Variants in SLC8A3 observed in about 807,000 individuals in gnomAD.
The protein encoded by SLC8A3 is solute carrier family 8 member A3, also known as sodium/calcium exchanger 3.
Under a neutral mutation model 65.4 loss-of-function variants are expected in SLC8A3, and 37 were observed. The observed-to-expected ratio is 0.57, with a 90% CI of 0.44 to 0.74. SLC8A3 has a LOEUF of 0.74. Among genes scored for constraint, SLC8A3 ranks in the 30% least tolerant of loss-of-function variants. SLC8A3 has a pLI of 0.00. For synonymous variants in SLC8A3, 461 were observed against 444.5 expected, an observed-to-expected ratio of 1.04 and a Z score of -0.47; for missense variants, 1,112 against 1,172.1, an observed-to-expected ratio of 0.95 and a Z score of 0.75.
intron 2 of SLC8A3, among the ~76,000 whole-genome samples, chr14:70,096,547 A>G (rs895731280): frequency 3.9e-5 from 6 of 152,222 alleles, no homozygotes; most frequent in African/African-American, 1.4e-4. Context: ...TCCCAGAATC[A>G]GACTGCCCAG....
chr14:70,086,994 T>G (rs568173444), intron 2 of SLC8A3, among the ~76,000 whole-genome samples: 1 of 152,296 alleles, frequency 6.6e-6, no homozygotes, highest in South Asian at 2.1e-4. Flanking sequence ...CCCGTGAAGT[T>G]CCAAAGGCCC....
At chr14:70,161,462 T>C (rs1028378147) in intron 2 of SLC8A3, among the ~76,000 whole-genome samples, 6 of 152,216 alleles carry the variant, frequency 3.9e-5, no homozygotes, top group Non-Finnish European at 7.4e-5. Flanking sequence ...TCAAGACAAA[T>C]CTGTGCCAAG....
At chr14:70,099,172 A>G (rs548665634) in intron 2 of SLC8A3, among the ~76,000 whole-genome samples, 1 of 152,302 alleles carries the variant, frequency 6.6e-6, no homozygotes, top group South Asian at 2.1e-4. Flanking sequence ...GAAGGAGGGT[A>G]CATACTGGTT....
At chr14:70,105,917 A>G (rs1892839762) in intron 2 of SLC8A3, among the ~76,000 whole-genome samples, 1 of 151,478 alleles carries the variant, frequency 6.6e-6, no homozygotes. Flanking sequence ...TATGCCATGA[A>G]TTTAAATTTG....
intron 2 of SLC8A3, among the ~76,000 whole-genome samples, chr14:70,077,243 C>G (rs1285665844): frequency 6.6e-6 from 1 of 152,098 alleles, no homozygotes; most frequent in Non-Finnish European, 1.5e-5. Flanking sequence ...ATTCCGTGGT[C>G]TGGTCTGCGG....
chr14:70,120,429 A>G (rs1342604209), intron 2 of SLC8A3, among the ~76,000 whole-genome samples: 1 of 152,188 alleles, frequency 6.6e-6, no homozygotes, highest in Non-Finnish European at 1.5e-5. Flanking sequence ...ATACACAACC[A>G]CTTACATTCT....
chr14:70,158,037 G>A (rs770592769), intron 2 of SLC8A3, among the ~76,000 whole-genome samples: 23 of 152,196 alleles, frequency 1.5e-4, no homozygotes, highest in Admixed American at 5.2e-4. Flanking sequence ...AAGATTTAAA[G>A]TGGAGACATG....
chr14:70,167,262 G>A lies in SLC8A3; in HGVS notation c.1161C>T (p.His387=). The A allele has an allele frequency of 6.2e-7, 1 of 1,614,190 alleles. No homozygotes were observed. The highest frequency in any genetic ancestry group is 8.5e-7 in the Non-Finnish European group (1 of 1,180,030). ...AAATAAAGTCCTCAGGCTCATCGGT[G>A]TGCACCTCGCTCATGCTGGAGGCCT... is the stretch of plus-strand genomic sequence containing the variant. ...AKKASSMSEV[H]TDEPEDFISK... is the part of the protein sequence containing the mutation. The change falls in exon 2 of 7, where the codon CAC becomes CAT. Residue 387 remains histidine (H), a synonymous_variant. Coordinates refer to ENST00000356921, the MANE Select transcript of SLC8A3 (RefSeq NM_182932.3).
chr14:70,053,540 A>G (rs947648407), intron 3 of SLC8A3, among the ~76,000 whole-genome samples: 4 of 152,186 alleles, frequency 2.6e-5, no homozygotes, highest in African/African-American at 9.7e-5. Context: ...CTTCCTCCCC[A>G]ATTCCCCCAT....
chr14:70,097,204 G>C (rs1892237404), intron 2 of SLC8A3, among the ~76,000 whole-genome samples: 1 of 151,252 alleles, frequency 6.6e-6, no homozygotes, highest in Non-Finnish European at 1.5e-5. Context: ...CAATGCAACA[G>C]AGTCAGAATG....
chr14:70,139,909 C>G (rs1240054269), intron 2 of SLC8A3, among the ~76,000 whole-genome samples: 2 of 152,260 alleles, frequency 1.3e-5, no homozygotes, highest in Admixed American at 6.5e-5. Context: ...GGCATCTCCC[C>G]CTTTCCCTTG....
upstream of SLC8A3, among the ~76,000 whole-genome samples, chr14:70,189,225 C>A (rs1449690911): frequency 2.0e-5 from 3 of 152,102 alleles, no homozygotes; most frequent in Non-Finnish European, 2.9e-5. Context: ...CAACCCCTGC[C>A]CCGCGGCCAC....
rs546547722 is a variant in SLC8A3, at chr14:70,150,314, TTCAGG to T, written c.1784+16320_1784+16324del. Among the ~76,000 whole-genome samples the T allele has an allele frequency of 5.3e-5, 8 of 152,312 alleles. 1 individual carries two copies. The South Asian group carries it at 1.7e-3, about 32-fold the overall frequency. On this transcript the variant is annotated intron_variant, in intron 2 of 6. Transcript: ENST00000356921. Reference sequence around the variant, plus strand: ...TGAAAGGTTAGATAACTTCCTCTAGTTCAGGTCACCAACAAGTAGCTGGGACTCCA... The same window carrying T: ...TGAAAGGTTAGATAACTTCCTCTAGTTCACCAACAAGTAGCTGGGACTCCA...
intron 2 of SLC8A3, among the ~76,000 whole-genome samples, chr14:70,070,705 T>C (rs1889934422): frequency 6.6e-6 from 1 of 152,078 alleles, no homozygotes; most frequent in Non-Finnish European, 1.5e-5. Context: ...ACCCCATTCC[T>C]GGTATTAAAA....
chr14:70,049,444 G>A (rs1343332261), intron 5 of SLC8A3, among the ~76,000 whole-genome samples: 1 of 152,142 alleles, frequency 6.6e-6, no homozygotes, highest in Non-Finnish European at 1.5e-5. Context: ...GAGAACACAT[G>A]GACACAGGGA....
chr14:70,085,200 T>G (rs1419809046), intron 2 of SLC8A3, among the ~76,000 whole-genome samples: 1 of 152,172 alleles, frequency 6.6e-6, no homozygotes, highest in African/African-American at 2.4e-5. Flanking sequence ...CTGTGGAAAT[T>G]TCTTCTGAGC....
Position 70,167,244 on chromosome 14 carries a change from G to A in SLC8A3, c.1179C>T (p.Asp393=). Residue 393 remains aspartate, a synonymous_variant, in exon 2 of 7, where the codon GAC becomes GAT. Transcript: ENST00000356921. ...MSEVHTDEPE[D]FISKVFFDPC... is the part of the protein sequence containing the mutation. ...GGTCAAAGAAGACCTTGGAAATAAA[G>A]TCCTCAGGCTCATCGGTGTGCACCT... 6.2e-7 allele frequency: 1 copy of A among 1,614,194 alleles called. No individual in the cohort carries two copies. The highest frequency in any genetic ancestry group is 8.5e-7 in the Non-Finnish European group (1 of 1,180,038).
At chr14:70,187,258 G>A (rs541591520) in intron 1 of SLC8A3, 1 of 147,380 alleles carries the variant, frequency 6.8e-6, no homozygotes, top group South Asian at 2.3e-4. Context: ...GCCAGGAAAG[G>A]GGGAGAGAGA....
chr14:70,166,002 C>T (rs1897140797), intron 2 of SLC8A3, among the ~76,000 whole-genome samples: 1 of 152,240 alleles, frequency 6.6e-6, no homozygotes, highest in Admixed American at 6.5e-5. Flanking sequence ...CATACTGACT[C>T]AATTCAACTA....
Sources: allele counts gnomAD v4.1 joint callset (sites outside exome capture counted in the v4.1 genomes callset), GRCh38; gene constraint gnomAD v4.1.1; transcripts MANE v1.5; gene names NCBI Gene and HGNC (gene_info 2026-07-23, HGNC 2026-07-21).